Variants in DDX46 observed in about 807,000 individuals in gnomAD.
The protein encoded by DDX46 is DEAD-box helicase 46, also known as probable ATP-dependent RNA helicase DDX46.
DDX46 carries 30 observed loss-of-function variants against 134.9 expected under a neutral mutation model. The observed-to-expected ratio is 0.22, with a 90% CI of 0.17 to 0.30. The LOEUF is 0.30. DDX46 is among the 10% of genes least tolerant of loss of function. The pLI, the probability that DDX46 is intolerant of heterozygous loss-of-function variation, is 1.00. For synonymous variants in DDX46, 415 were observed against 404.1 expected, an observed-to-expected ratio of 1.03 and a Z score of -0.32; for missense variants, 622 against 1,248.7, an observed-to-expected ratio of 0.50 and a Z score of 7.56.
chr5:134,797,732 TC>T (rs1454450725), intron 15 of DDX46, among the ~76,000 whole-genome samples: 2 of 152,222 alleles, frequency 1.3e-5, no homozygotes, highest in Admixed American at 6.5e-5. Flanking sequence ...ACAGTCTACT[TC>T]CAGCAGGCTT....
chr5:134,825,210 C>T (rs1370013755), intron 21 of DDX46, among the ~76,000 whole-genome samples: 1 of 152,202 alleles, frequency 6.6e-6, no homozygotes, highest in Non-Finnish European at 1.5e-5. Context: ...TTCACACCAA[C>T]TCATACCAAG....
At chr5:134,771,095 CT>C (rs1365953757) in intron 4 of DDX46, 96 bp downstream of exon 4, 4 of 590,034 alleles carry the variant, frequency 6.8e-6, no homozygotes, top group Non-Finnish European at 1.2e-5. Flanking sequence ...CTTTCTCTTT[CT>C]TTCTTTCTTT....
At chr5:134,781,872 G>C in intron 7 of DDX46, 49 bp from the exon 8 acceptor site, 2 of 1,547,736 alleles carry the variant, frequency 1.3e-6, no homozygotes, top group Non-Finnish European at 1.7e-6. Context: ...TCCCACAAGG[G>C]GAAAATAGTA....
intron 13 of DDX46, among the ~76,000 whole-genome samples, chr5:134,792,582 G>A (rs1048089389): frequency 6.6e-6 from 1 of 152,084 alleles, no homozygotes; most frequent in Non-Finnish European, 1.5e-5. Context: ...TTATTATAAT[G>A]CTTTAAGTAG....
At chr5:134,784,261 T>C (rs1754265018) in intron 9 of DDX46, 105 bp from the exon 10 acceptor site, 5 of 1,164,882 alleles carry the variant, frequency 4.3e-6, no homozygotes, top group Non-Finnish European at 5.9e-6. Flanking sequence ...TATTGTATGA[T>C]ATATACCACC....
intron 2 of DDX46, among the ~76,000 whole-genome samples, chr5:134,764,338 A>C (rs1753492397): frequency 2.0e-5 from 3 of 150,552 alleles, no homozygotes; most frequent in African/African-American, 4.9e-5. Context: ...ACTGGAGTGC[A>C]GTGGTATCAT....
intron 19 of DDX46, chr5:134,817,043 C>T (rs1755304682): frequency 5.7e-6 from 1 of 176,438 alleles, no homozygotes; most frequent in African/African-American, 2.4e-5. Flanking sequence ...TGGAAGCTTA[C>T]TTGTTATTTT....
chr5:134,789,434 A>G (rs1561862539), intron 12 of DDX46, among the ~76,000 whole-genome samples: 2 of 152,220 alleles, frequency 1.3e-5, no homozygotes, highest in Admixed American at 6.5e-5. Flanking sequence ...ATAGAGTATT[A>G]AAAACTGAGT....
chr5:134,769,223 GTT>G (rs1753678547), intron 3 of DDX46, among the ~76,000 whole-genome samples: 1 of 149,570 alleles, frequency 6.7e-6, no homozygotes, highest in Non-Finnish European at 1.5e-5. Context: ...AAACTATATT[GTT>G]TGTATGTAGT....
intron 18 of DDX46, 67 bp downstream of exon 18, chr5:134,811,912 T>C (rs559856362): frequency 6.5e-7 from 1 of 1,539,036 alleles, no homozygotes; most frequent in South Asian, 1.3e-5. Context: ...GGTCTTGCCA[T>C]ATATGGTTAT....
intron 20 of DDX46, among the ~76,000 whole-genome samples, chr5:134,818,313 C>T (rs1339868216): frequency 2.0e-5 from 3 of 149,260 alleles, no homozygotes; most frequent in Non-Finnish European, 4.5e-5. Flanking sequence ...AGGCTGGTCT[C>T]GAACTCCCAA....
chr5:134,812,239 A>AT (rs1755166177), intron 18 of DDX46, among the ~76,000 whole-genome samples: 1 of 151,464 alleles, frequency 6.6e-6, no homozygotes, highest in Admixed American at 6.6e-5. Flanking sequence ...TAATTTTTGT[A>AT]TTTTTAGTTG....
At chr5:134,779,731 C>G (rs137927875) in intron 6 of DDX46, among the ~76,000 whole-genome samples, 22 of 152,288 alleles carry the variant, frequency 1.4e-4, no homozygotes, top group African/African-American at 5.3e-4. Flanking sequence ...CTCAAGTGAT[C>G]TTCCTGTCTT....
At chr5:134,821,681 C>G (rs1282896325) in intron 21 of DDX46, among the ~76,000 whole-genome samples, 1 of 151,594 alleles carries the variant, frequency 6.6e-6, no homozygotes, top group East Asian at 2.0e-4. Context: ...CTCAGCCTCC[C>G]GAGTAGCTGG....
chr5:134,799,284 A>G (rs552365563), intron 15 of DDX46, among the ~76,000 whole-genome samples: 3 of 150,684 alleles, frequency 2.0e-5, no homozygotes, highest in African/African-American at 4.9e-5. Context: ...GTCAATGTGC[A>G]TATCATTAAC....
At chr5:134,766,885 C>A (rs768093737) in intron 2 of DDX46, 32 bp from the exon 3 acceptor site, 5 of 1,596,072 alleles carry the variant, frequency 3.1e-6, no homozygotes, top group South Asian at 1.1e-5. Context: ...TCCATTTGGT[C>A]ATAGAATAAA....
At chr5:134,821,536 GT>G (rs558162733) in intron 21 of DDX46, among the ~76,000 whole-genome samples, 113 of 94,430 alleles carry the variant, frequency 1.2e-3, no homozygotes, top group Non-Finnish European at 9.9e-4. Flanking sequence ...TGGGTTTTTT[GT>G]TTTTTTTTTT....
chr5:134,807,272 G>A (rs1382707122), intron 15 of DDX46, among the ~76,000 whole-genome samples: 2 of 149,886 alleles, frequency 1.3e-5, no homozygotes, highest in Non-Finnish European at 3.0e-5. Context: ...TGCCCGCCTC[G>A]GCCTCTCAAA....
At chr5:134,803,482 G>C (rs775880870) in intron 15 of DDX46, among the ~76,000 whole-genome samples, 1 of 152,122 alleles carries the variant, frequency 6.6e-6, no homozygotes, top group Non-Finnish European at 1.5e-5. Flanking sequence ...CTTTCTGGTG[G>C]TTTTTCTTAT....
Sources: gnomAD v4.1 joint callset for allele counts (sites outside exome capture counted in the v4.1 genomes callset) on GRCh38, gnomAD v4.1.1 for gene constraint, MANE v1.5 for transcripts, NCBI Gene and HGNC (gene_info 2026-07-23, HGNC 2026-07-21) for gene names.